TBC1D5: variants seen among roughly 807,000 people sequenced by gnomAD.
TBC1D5 encodes the protein TBC1 domain family member 5.
A neutral mutation model predicts 100.3 loss-of-function variants in TBC1D5; 75 were observed. The observed-to-expected ratio is 0.75, with a 90% CI of 0.62 to 0.91. TBC1D5 has a LOEUF of 0.91. TBC1D5 is among the 40% of genes least tolerant of loss of function. The pLI is 0.00. For missense variants in TBC1D5, 910 were observed against 942.4 expected (o/e 0.97, Z 0.45); for synonymous variants, 323 against 325.6 (o/e 0.99, Z 0.09).
intron 2 of TBC1D5, among the ~76,000 whole-genome samples, chr3:17,570,032 TTCC>T (rs2096617161): frequency 6.6e-6 from 1 of 151,856 alleles, no homozygotes; most frequent in Admixed American, 6.6e-5. Context: ...AAGTCAGAGG[TTCC>T]ACCATTGGTA....
chr3:17,442,375 G>C (rs978180064), intron 3 of TBC1D5, among the ~76,000 whole-genome samples: 31 of 152,148 alleles, frequency 2.0e-4, no homozygotes, highest in Middle Eastern at 3.2e-3. Context: ...TGCAGAAAAG[G>C]TTCCCTGTTG....
At chr3:17,460,235 C>T (rs2095176341) in intron 3 of TBC1D5, among the ~76,000 whole-genome samples, 1 of 152,100 alleles carries the variant, frequency 6.6e-6, no homozygotes, top group African/African-American at 2.4e-5. Context: ...CAAAAACTAC[C>T]TGGGAATTCA....
intron 3 of TBC1D5, among the ~76,000 whole-genome samples, chr3:17,500,100 A>C (rs916255434): frequency 6.0e-5 from 9 of 149,710 alleles, no homozygotes; most frequent in Non-Finnish European, 2.9e-5. Context: ...AATAATATCA[A>C]GGTATTTGCA....
chr3:17,668,977 A>T (rs1560421841), intron 1 of TBC1D5, among the ~76,000 whole-genome samples: 1 of 152,116 alleles, frequency 6.6e-6, no homozygotes, highest in Non-Finnish European at 1.5e-5. Context: ...TTTCAATTTC[A>T]CCATCATGAC....
intron 1 of TBC1D5, among the ~76,000 whole-genome samples, chr3:17,645,393 C>T (rs1348405915): frequency 6.6e-6 from 1 of 152,086 alleles, no homozygotes; most frequent in East Asian, 1.9e-4. Context: ...TATAATTATA[C>T]TTGAAAATTT....
chr3:17,693,501 G>A (rs531733579), intron 1 of TBC1D5, among the ~76,000 whole-genome samples: 1 of 152,324 alleles, frequency 6.6e-6, no homozygotes, highest in African/African-American at 2.4e-5. Flanking sequence ...GTCTGAGATT[G>A]AACCACGAGG....
At chr3:17,165,760 T>G (rs1391162748) in intron 21 of TBC1D5, among the ~76,000 whole-genome samples, 1 of 152,248 alleles carries the variant, frequency 6.6e-6, no homozygotes, top group Non-Finnish European at 1.5e-5. Flanking sequence ...GTAAGCTGAT[T>G]TTAAAAATAT....
intron 1 of TBC1D5, among the ~76,000 whole-genome samples, chr3:17,724,838 T>C (rs909224872): frequency 6.6e-6 from 1 of 152,200 alleles, no homozygotes; most frequent in African/African-American, 2.4e-5. Flanking sequence ...CATTTCCTTC[T>C]CTGTGATACA....
chr3:17,719,867 AGT>A, intron 1 of TBC1D5, among the ~76,000 whole-genome samples: 1 of 152,332 alleles, frequency 6.6e-6, no homozygotes, highest in East Asian at 1.9e-4. Context: ...TGTGTTTTAT[AGT>A]GTCTTTTCTA....
intron 13 of TBC1D5, among the ~76,000 whole-genome samples, chr3:17,348,043 C>T (rs2090126743): frequency 6.6e-6 from 1 of 152,114 alleles, no homozygotes; most frequent in Non-Finnish European, 1.5e-5. Context: ...GCCCCCCCAC[C>T]TCATACTTAC....
chr3:17,306,356 C>T (rs2083398953), intron 14 of TBC1D5, among the ~76,000 whole-genome samples: 1 of 152,222 alleles, frequency 6.6e-6, no homozygotes, highest in African/African-American at 2.4e-5. Context: ...GAGCAGTGAT[C>T]TGTAAATACC....
rs183029069 is a variant in TBC1D5 at position 17,695,432 on chromosome 3, G to T, written c.-101+43911C>A. Reference sequence around the variant, plus strand: ...CCAAGCAAATGGAAAGCAAAAAAAAGCAGGGGTTGCAATCCTAGTCTCTGA... The same window carrying T: ...CCAAGCAAATGGAAAGCAAAAAAAATCAGGGGTTGCAATCCTAGTCTCTGA... On this transcript the variant is annotated intron_variant, in intron 1 of 21. Transcript: ENST00000253692. 3.0e-3 allele frequency among the ~76,000 whole-genome samples: 463 copies of T among 152,158 alleles called. 4 individuals are homozygous for T. Among genetic ancestry groups the T allele is most frequent in the African/African-American group, 0.011 (439 of 41,536 alleles).
chr3:17,710,589 A>AATAC (rs1340385515), intron 1 of TBC1D5, among the ~76,000 whole-genome samples: 1 of 151,854 alleles, frequency 6.6e-6, no homozygotes, highest in Non-Finnish European at 1.5e-5. Flanking sequence ...TAAATAAATA[A>AATAC]ATAAAAATAT....
chr3:17,346,184 G>A (rs977415717), intron 13 of TBC1D5, among the ~76,000 whole-genome samples: 1 of 152,054 alleles, frequency 6.6e-6, no homozygotes, highest in Non-Finnish European at 1.5e-5. Flanking sequence ...ACAATTGGAT[G>A]GTAAAGTTTA....
At chr3:17,705,451 C>G (rs1220598683) in intron 1 of TBC1D5, among the ~76,000 whole-genome samples, 1 of 148,360 alleles carries the variant, frequency 6.7e-6, no homozygotes, top group Non-Finnish European at 1.5e-5. Flanking sequence ...ACTTCTCAGA[C>G]GGGGCAGCTG....
chr3:17,556,504 C>T (rs552321886), intron 2 of TBC1D5, among the ~76,000 whole-genome samples: 5 of 152,256 alleles, frequency 3.3e-5, no homozygotes, highest in African/African-American at 1.2e-4. Flanking sequence ...TTTGGTTTCT[C>T]CTCTCGATGC....
intron 4 of TBC1D5, among the ~76,000 whole-genome samples, chr3:17,425,599 A>C (rs570366063): frequency 6.6e-6 from 1 of 152,316 alleles, no homozygotes; most frequent in African/African-American, 2.4e-5. Context: ...ACTGTACGCC[A>C]GCCTGGGTGA....
At chr3:17,520,998 A>C (rs1308484512) in intron 2 of TBC1D5, among the ~76,000 whole-genome samples, 10 of 152,196 alleles carry the variant, frequency 6.6e-5, no homozygotes, top group Admixed American at 6.5e-4. Context: ...TGTGTGATTC[A>C]AATGTACTGA....
At chr3:17,476,414 A>G (rs984986320) in intron 3 of TBC1D5, among the ~76,000 whole-genome samples, 3 of 151,906 alleles carry the variant, frequency 2.0e-5, no homozygotes, top group Non-Finnish European at 4.4e-5. Flanking sequence ...TTCACCACTG[A>G]TCTATAATTT....
Sources: gnomAD v4.1 joint callset for allele counts (sites outside exome capture counted in the v4.1 genomes callset) on GRCh38, gnomAD v4.1.1 for gene constraint, MANE v1.5 for transcripts, NCBI Gene and HGNC (gene_info 2026-07-23, HGNC 2026-07-21) for gene names.